Variants in UBE2E2 observed in about 807,000 individuals in gnomAD.
The protein encoded by UBE2E2 is ubiquitin-conjugating enzyme E2 E2.
Under a neutral mutation model 24.7 loss-of-function variants are expected in UBE2E2, and 6 were observed. That is an observed-to-expected ratio of 0.24 (90% CI 0.13 to 0.48). The LOEUF is 0.48. Among genes scored for constraint, UBE2E2 ranks in the 20% least tolerant of loss-of-function variants. The pLI, the probability that UBE2E2 is intolerant of heterozygous loss-of-function variation, is 0.99. For missense variants in UBE2E2, 169 were observed against 245.0 expected (o/e 0.69, Z 2.07); for synonymous variants, 104 against 83.6 (o/e 1.24, Z -1.33).
At chr3:23,429,827 T>A (rs191182781) in intron 3 of UBE2E2, among the ~76,000 whole-genome samples, 136 of 152,308 alleles carry the variant, frequency 8.9e-4, no homozygotes, top group Non-Finnish European at 1.6e-3. Flanking sequence ...AAAATTGCAG[T>A]ATACAAGATT....
chr3:23,467,819 G>A (rs1329602611), intron 3 of UBE2E2, among the ~76,000 whole-genome samples: 1 of 152,118 alleles, frequency 6.6e-6, no homozygotes, highest in Non-Finnish European at 1.5e-5. Context: ...TGCTTCTGGG[G>A]AGGCCTCAGG....
intron 4 of UBE2E2, among the ~76,000 whole-genome samples, chr3:23,504,657 A>G (rs1297811107): frequency 6.6e-6 from 1 of 152,146 alleles, no homozygotes; most frequent in African/African-American, 2.4e-5. Context: ...TGGTTGCATT[A>G]ATTTACATTT....
At chr3:23,442,602 C>G (rs2125409290) in intron 3 of UBE2E2, among the ~76,000 whole-genome samples, 1 of 152,288 alleles carries the variant, frequency 6.6e-6, no homozygotes, top group East Asian at 1.9e-4. Flanking sequence ...GTGTTGTTTT[C>G]TATAAGATCT....
rs201132758 is a variant in UBE2E2 at position 23,590,972 on chromosome 3, T to TTTGTTGTTG, written c.*1157_*1165dup. ...GCCCTCAAGCTTTGTATTGTTCATTTTTGTTGTTGTTGTTGTTGTTGTTGC... is the reference window on the plus strand; with the variant it reads ...GCCCTCAAGCTTTGTATTGTTCATTTTTGTTGTTGTTGTTGTTGTTGTTGTTGTTGTTGC... On this transcript the variant is annotated 3_prime_UTR_variant, in exon 6 of 6. Transcript: ENST00000396703. The TTTGTTGTTG allele has an allele frequency of 2.0e-5, 3 of 152,112 alleles. No individual in the cohort carries two copies. Among genetic ancestry groups the TTTGTTGTTG allele is most frequent in the Non-Finnish European group, 4.4e-5 (3 of 68,048 alleles). 9.4% of individuals were successfully genotyped at this position (152,112 alleles called of 1,614,324 possible).
chr3:23,237,299 C>A (rs987725045), intron 3 of UBE2E2, among the ~76,000 whole-genome samples: 2 of 152,154 alleles, frequency 1.3e-5, no homozygotes, highest in African/African-American at 4.8e-5. Flanking sequence ...ATGTATTATT[C>A]ATTATCTTCT....
chr3:23,292,007 C>T (rs987375600), intron 3 of UBE2E2, among the ~76,000 whole-genome samples: 12 of 151,776 alleles, frequency 7.9e-5, no homozygotes, highest in Admixed American at 3.3e-4. Context: ...TACAGGCGCC[C>T]GCCACCGCAC....
At chr3:23,228,881 T>C (rs952585336) in intron 3 of UBE2E2, among the ~76,000 whole-genome samples, 1 of 152,200 alleles carries the variant, frequency 6.6e-6, no homozygotes, top group Non-Finnish European at 1.5e-5. Context: ...CCACACACTT[T>C]CGCCTATTTG....
chr3:23,298,264 T>A (rs1284662446), intron 3 of UBE2E2, among the ~76,000 whole-genome samples: 1 of 152,178 alleles, frequency 6.6e-6, no homozygotes, highest in Non-Finnish European at 1.5e-5. Context: ...CTTTTCCTAA[T>A]TGAATGCCCT....
intron 3 of UBE2E2, among the ~76,000 whole-genome samples, chr3:23,381,599 C>T (rs1198780404): frequency 6.6e-6 from 1 of 152,118 alleles, no homozygotes; most frequent in Non-Finnish European, 1.5e-5. Flanking sequence ...AATTCAGGCA[C>T]ATGGAGCATC....
intron 3 of UBE2E2, among the ~76,000 whole-genome samples, chr3:23,383,632 G>GC (rs1696733205): frequency 6.6e-6 from 1 of 151,642 alleles, no homozygotes; most frequent in Non-Finnish European, 1.5e-5. Context: ...AGATACTGAG[G>GC]TTTTTTTTGT....
chr3:23,399,755 T>A (rs1697173193), intron 3 of UBE2E2, among the ~76,000 whole-genome samples: 1 of 152,184 alleles, frequency 6.6e-6, no homozygotes, highest in African/African-American at 2.4e-5. Flanking sequence ...ACAACTCAGT[T>A]TTCTTTTCCT....
chr3:23,544,838 T>G (rs1305712446), intron 5 of UBE2E2, among the ~76,000 whole-genome samples: 3 of 152,178 alleles, frequency 2.0e-5, no homozygotes, highest in Non-Finnish European at 4.4e-5. Flanking sequence ...TAGTATTTAT[T>G]GATCATTTGT....
intron 3 of UBE2E2, among the ~76,000 whole-genome samples, chr3:23,354,393 T>G (rs1454717561): frequency 6.6e-6 from 1 of 151,884 alleles, no homozygotes; most frequent in Non-Finnish European, 1.5e-5. Flanking sequence ...AAATGGGATC[T>G]AATTAAAGAG....
chr3:23,238,174 T>C (rs1434865617), intron 3 of UBE2E2, among the ~76,000 whole-genome samples: 2 of 152,136 alleles, frequency 1.3e-5, no homozygotes, highest in Non-Finnish European at 2.9e-5. Flanking sequence ...GGAAAGCATA[T>C]AGAAGGAAGT....
chr3:23,399,892 C>G (rs1218342391), intron 3 of UBE2E2, among the ~76,000 whole-genome samples: 1 of 152,158 alleles, frequency 6.6e-6, no homozygotes, highest in Non-Finnish European at 1.5e-5. Context: ...CTCTTCCTCA[C>G]TTTTGCTGAA....
intron 3 of UBE2E2, among the ~76,000 whole-genome samples, chr3:23,298,034 A>G (rs988719886): frequency 1.3e-5 from 2 of 151,532 alleles, no homozygotes; most frequent in African/African-American, 4.9e-5. Context: ...TAGATATTTT[A>G]TTCTCTTTGA....
At chr3:23,287,648 G>A (rs1012843698) in intron 3 of UBE2E2, among the ~76,000 whole-genome samples, 1 of 152,020 alleles carries the variant, frequency 6.6e-6, no homozygotes, top group African/African-American at 2.4e-5. Context: ...TTCAATTTTG[G>A]TAGGTTGTAT....
intron 3 of UBE2E2, among the ~76,000 whole-genome samples, chr3:23,453,988 T>A (rs1370909860): frequency 2.9e-4 from 44 of 152,184 alleles, no homozygotes; most frequent in Non-Finnish European, 1.2e-4. Context: ...ACTCTTTAAT[T>A]TTACAGAAGG....
chr3:23,536,158 T>A (rs898094500), intron 5 of UBE2E2, among the ~76,000 whole-genome samples: 1 of 152,240 alleles, frequency 6.6e-6, no homozygotes, highest in Non-Finnish European at 1.5e-5. Context: ...TTAAAAACTC[T>A]TAGATGTTTG....
Sources: allele counts gnomAD v4.1 joint callset (sites outside exome capture counted in the v4.1 genomes callset), GRCh38; gene constraint gnomAD v4.1.1; transcripts MANE v1.5; gene names NCBI Gene and HGNC (gene_info 2026-07-23, HGNC 2026-07-21).